The following MYOM1 variants were observed in gnomAD, a reference collection of about 807,000 sequenced individuals.
MYOM1 encodes myomesin 1.
MYOM1 carries 164 observed loss-of-function variants against 205.3 expected under a neutral mutation model. The observed-to-expected ratio is 0.80, with a 90% CI of 0.70 to 0.91. The LOEUF is 0.91. MYOM1 is among the 40% of genes least tolerant of loss of function. MYOM1 has a pLI of 0.00. For synonymous variants in MYOM1, 772 were observed against 789.4 expected, an observed-to-expected ratio of 0.98 and a Z score of 0.37; for missense variants, 2,011 against 2,127.3, an observed-to-expected ratio of 0.95 and a Z score of 1.08.
chr18:3,078,497 T>C (rs2079046064), intron 34 of MYOM1, among the ~76,000 whole-genome samples: 1 of 152,102 alleles, frequency 6.6e-6, no homozygotes, highest in Admixed American at 6.5e-5. Flanking sequence ...TAGTGTGATC[T>C]TGGCTCACAG....
intron 6 of MYOM1, among the ~76,000 whole-genome samples, chr18:3,175,461 G>A (rs1567950785): frequency 6.6e-6 from 1 of 151,982 alleles, no homozygotes; most frequent in African/African-American, 2.4e-5. Context: ...TGTAGGTTTC[G>A]TTTTCAAATT....
Position 3,154,988 on chromosome 18 carries a change from AGC to A in MYOM1, c.1600_1601del (p.Ala534CysfsTer13). On this transcript the variant is annotated frameshift_variant, in exon 11 of 38. Coordinates refer to ENST00000356443, the MANE Select transcript of MYOM1 (RefSeq NM_003803.4). LOFTEE classifies it high-confidence loss of function. ...DYIIISWKQP[A>X]VDGGSPILGY... ...CGAGAATAGGACTCCCTCCATCGACAGCTGGCTGTTTCCAGGAGATGATGATA... is the reference window on the plus strand; with the variant it reads ...CGAGAATAGGACTCCCTCCATCGACATGGCTGTTTCCAGGAGATGATGATA... 1.2e-6 allele frequency: 2 copies of A among 1,613,174 alleles called. No individual in the cohort carries two copies. Among genetic ancestry groups the A allele is most frequent in the Non-Finnish European group, 8.5e-7 (1 of 1,179,546 alleles).
At chr18:3,245,534 A>C in the MYOM1 span, among the ~76,000 whole-genome samples, 7 of 152,248 alleles carry the variant, frequency 4.6e-5, no homozygotes, top group African/African-American at 1.7e-4. Flanking sequence ...GAGTATCAAA[A>C]TACTAGGTGG....
intron 12 of MYOM1, 95 bp from the exon 13 acceptor site, chr18:3,149,296 A>G (rs188671301): frequency 9.9e-7 from 1 of 1,012,102 alleles, no homozygotes; most frequent in African/African-American, 1.6e-5. Flanking sequence ...ATTAGTCACA[A>G]CTGGGTTTGT....
chr18:3,201,845 T>C (rs1395992006), intron 2 of MYOM1, among the ~76,000 whole-genome samples: 1 of 152,122 alleles, frequency 6.6e-6, no homozygotes, highest in Non-Finnish European at 1.5e-5. Context: ...GATTTCACCA[T>C]GCTGCCCAGG....
At position 3,189,029 on chromosome 18, in the gene MYOM1, C is replaced by T. The variant is rs1241616228; in HGVS notation, c.490G>A (p.Ala164Thr). 3 of 1,613,660 alleles carry T rather than the reference C, an allele frequency of 1.9e-6. No individual in the cohort carries two copies. Among genetic ancestry groups the T allele is most frequent in the Non-Finnish European group, 2.5e-6 (3 of 1,179,826 alleles). Residue 164 changes from alanine (A) to threonine (T), a missense_variant, in exon 4 of 38, where the codon GCT becomes ACT. By Grantham distance (58) the Ala-to-Thr change is moderately conservative. Transcript: ENST00000356443. The surrounding 1 kb of genome is among the most constrained non-coding windows in gnomAD (Gnocchi z 4.8). ...AGAAGATTCCTCTGGGCTATATAAG[C>T]AGCAGCTTCTTTAATTCTTTCTTCT... Reference protein sequence around the residue: ...TEEERIKEAAAYIAQRNLLAS... With the variant: ...TEEERIKEAATYIAQRNLLAS...
chr18:3,168,983 T>A lies in MYOM1; in HGVS notation c.1175-2A>T, dbSNP rs777120222. ...CATAACCATATGGGGTCACACCAAC[T>A]GGGTACAAAAATAACAAATATCAGT... is the stretch of plus-strand genomic sequence containing the variant. On this transcript the variant is annotated splice_acceptor_variant, in intron 8 of 37. Coordinates refer to ENST00000356443, the MANE Select transcript of MYOM1 (RefSeq NM_003803.4). LOFTEE classifies it high-confidence loss of function. The A allele has an allele frequency of 2.0e-4, 328 of 1,606,910 alleles. 3 individuals are homozygous for A. In the East Asian group the frequency reaches 6.2e-3, roughly 30 times the overall value.
chr18:3,098,341 G>C (rs1197538936), intron 25 of MYOM1, among the ~76,000 whole-genome samples: 1 of 151,804 alleles, frequency 6.6e-6, no homozygotes, highest in African/African-American at 2.4e-5. Context: ...GCAGTGGCAC[G>C]ATCTCGGCTC....
chr18:3,119,154 C>T (rs1444088183), intron 20 of MYOM1, among the ~76,000 whole-genome samples: 1 of 152,106 alleles, frequency 6.6e-6, no homozygotes, highest in Non-Finnish European at 1.5e-5. Context: ...CACTTTCTTC[C>T]CTGCCCACCC....
intron 2 of MYOM1, among the ~76,000 whole-genome samples, chr18:3,206,151 G>C (rs2081120763): frequency 6.6e-6 from 1 of 152,156 alleles, no homozygotes. Flanking sequence ...TTCAAAGATG[G>C]GTAGGACATC....
Position 3,067,379 on chromosome 18 carries a change from A to G in MYOM1, c.4941T>C (p.Val1647=). ...TCTCCGAGCCATACTTGTTCTTCACAACCAGCCCGTATTTGCCCGAGTCAG... is the reference window on the plus strand; with the variant it reads ...TCTCCGAGCCATACTTGTTCTTCACGACCAGCCCGTATTTGCCCGAGTCAG... ...STADSGKYGL[V]VKNKYGSETS... is the part of the protein sequence containing the mutation. The change falls in exon 38 of 38, where the codon GTT becomes GTC. Residue 1647 remains valine (V), a synonymous_variant. Transcript: ENST00000356443. 1.9e-6 allele frequency: 3 copies of G among 1,613,128 alleles called. No individual in the cohort carries two copies. The highest frequency in any genetic ancestry group is 1.7e-6 in the Non-Finnish European group (2 of 1,179,904).
At chr18:3,182,096 A>G (rs2080742044) in intron 5 of MYOM1, among the ~76,000 whole-genome samples, 1 of 150,808 alleles carries the variant, frequency 6.6e-6, no homozygotes, top group African/African-American at 2.4e-5. Context: ...TCCAGTGTCC[A>G]ACATATAGAT....
intron 2 of MYOM1, among the ~76,000 whole-genome samples, chr18:3,202,085 G>C (rs1398506180): frequency 6.6e-6 from 1 of 152,156 alleles, no homozygotes; most frequent in Non-Finnish European, 1.5e-5. Context: ...TTAGAGGAAA[G>C]TTTCTATGTT....
At chr18:3,146,779 G>A (rs1018752550) in intron 13 of MYOM1, among the ~76,000 whole-genome samples, 1 of 151,800 alleles carries the variant, frequency 6.6e-6, no homozygotes, top group African/African-American at 2.4e-5. Context: ...AATAAGGAAA[G>A]AAAAAGAAAT....
chr18:3,223,056 T>A (rs2081338429), upstream of MYOM1, among the ~76,000 whole-genome samples: 2 of 152,116 alleles, frequency 1.3e-5, no homozygotes, highest in South Asian at 4.2e-4. Flanking sequence ...CTAATGTTTG[T>A]ACTTTTGTAG....
Position 3,138,426 on chromosome 18 carries a change from GT to G in MYOM1, c.2026-2697del, listed in dbSNP as rs535637418. Among the ~76,000 whole-genome samples the G allele has an allele frequency of 7.7e-4, 117 of 152,274 alleles. 1 individual carries two copies. The highest frequency in any genetic ancestry group is 2.6e-3 in the African/African-American group (109 of 41,560). ...CAAAGGGATGGGATCTGGTCCCTTT[GT>G]GTTAATAACAAGCCACGTGACCTTG... On this transcript the variant is annotated intron_variant, in intron 14 of 37. Coordinates refer to ENST00000356443, the MANE Select transcript of MYOM1 (RefSeq NM_003803.4).
Position 3,134,565 on chromosome 18 carries a change from T to A in MYOM1, c.2384+85A>T, listed in dbSNP as rs866740518. The A allele has an allele frequency of 7.9e-5, 110 of 1,397,476 alleles. No individual in the cohort carries two copies. In the African/African-American group the frequency reaches 1.2e-3, roughly 16 times the overall value. 86.6% of individuals were successfully genotyped at this position (1,397,476 alleles called of 1,614,324 possible). A position where few individuals can be genotyped will look rare whatever the true frequency, so the allele number is the denominator to read the frequency against. Reference sequence around the variant, plus strand: ...CAAAAAGTAAAATTTTTTAAAAAAATCTCCTCCATTGGATGTCTGTGTGCC... The same window carrying A: ...CAAAAAGTAAAATTTTTTAAAAAAAACTCCTCCATTGGATGTCTGTGTGCC... On this transcript the variant is annotated intron_variant, in intron 16 of 37. Transcript: ENST00000356443.
chr18:3,148,135 G>A (rs1346351924), intron 13 of MYOM1, among the ~76,000 whole-genome samples: 1 of 152,208 alleles, frequency 6.6e-6, no homozygotes. Flanking sequence ...AGGGCTGGAG[G>A]GGAAGGGAAC....
chr18:3,144,686 T>C (rs979745137), intron 13 of MYOM1, among the ~76,000 whole-genome samples: 18 of 152,160 alleles, frequency 1.2e-4, no homozygotes, highest in African/African-American at 3.4e-4. Context: ...GGAATAGCTA[T>C]ATTAAAAGTA....
Sources: gnomAD v4.1 joint callset for allele counts (sites outside exome capture counted in the v4.1 genomes callset) on GRCh38, gnomAD v4.1.1 for gene constraint, Gnocchi (gnomAD v3.1) non-coding constraint, MANE v1.5 for transcripts, NCBI Gene and HGNC (gene_info 2026-07-23, HGNC 2026-07-21) for gene names.